Variants in MYO18B observed in about 807,000 individuals in gnomAD.
The protein encoded by MYO18B is unconventional myosin-XVIIIb.
Under a neutral mutation model 273.0 loss-of-function variants are expected in MYO18B, and 204 were observed. The ratio of observed to expected loss-of-function variants is 0.75; its 90% CI spans 0.67 to 0.84. MYO18B has a LOEUF of 0.84. Ranked by LOEUF, MYO18B falls within the 40% of genes least tolerant of loss-of-function variation. MYO18B has a pLI of 0.00. For synonymous variants in MYO18B, 1,330 were observed against 1,305.7 expected, an observed-to-expected ratio of 1.02 and a Z score of -0.40; for missense variants, 3,212 against 3,287.6, an observed-to-expected ratio of 0.98 and a Z score of 0.56.
chr22:26,058,743 C>A, the MYO18B span, among the ~76,000 whole-genome samples: 1 of 152,188 alleles, frequency 6.6e-6, no homozygotes, highest in African/African-American at 2.4e-5. Flanking sequence ...GGGATCCCTG[C>A]ACATACACTC....
chr22:25,920,165 A>G (rs6004832), intron 33 of MYO18B, among the ~76,000 whole-genome samples: 6,161 of 152,226 alleles, frequency 0.04, 449 homozygotes, highest in African/African-American at 0.14. Flanking sequence ...TTTCATGTGG[A>G]GACACAGATT....
chr22:25,845,314 C>T (rs1404158423), intron 18 of MYO18B, among the ~76,000 whole-genome samples: 2 of 152,180 alleles, frequency 1.3e-5, no homozygotes, highest in African/African-American at 2.4e-5. Context: ...GTCAAGAGAT[C>T]GAGACCATCC....
Position 25,835,401 on chromosome 22 carries a change from C to A in MYO18B, c.3166C>A (p.Arg1056Ser). ...CTCCAGTGACAGTGTGGTGCTCGAG[C>A]GTCTGTGTGCTGCTTTCGAGAAGAA... is the stretch of plus-strand genomic sequence containing the variant. ...EGSSDSVVLE[R>S]LCAAFEKKGA... The change falls in exon 17 of 44, where the codon CGT (arginine) becomes AGT (serine). Residue 1056 changes from arginine (R) to serine (S), a missense_variant. Physicochemically the swap from Arg to Ser is moderately radical, Grantham distance 110 (BLOSUM62 -1). Coordinates refer to ENST00000335473, the MANE Select transcript of MYO18B (RefSeq NM_032608.7). 6.2e-7 allele frequency: 1 copy of A among 1,613,902 alleles called. No individual in the cohort carries two copies. Among genetic ancestry groups the A allele is most frequent in the Admixed American group, 1.7e-5 (1 of 60,010 alleles).
At chr22:25,828,990 G>A in intron 15 of MYO18B, 22 bp downstream of exon 15, 1 of 1,612,018 alleles carries the variant, frequency 6.2e-7, no homozygotes. Context: ...CTGGAGCAGG[G>A]CTTTCACCAG....
intron 39 of MYO18B, among the ~76,000 whole-genome samples, chr22:25,966,338 C>T (rs1441289079): frequency 1.3e-5 from 2 of 152,184 alleles, no homozygotes; most frequent in Non-Finnish European, 2.9e-5. Context: ...TCTACTTACT[C>T]CATGGCATTC....
intron 37 of MYO18B, among the ~76,000 whole-genome samples, chr22:25,951,177 C>T (rs2092788708): frequency 6.6e-6 from 1 of 152,228 alleles, no homozygotes. Context: ...CTTTTGGCAA[C>T]AACCTCACAG....
intron 12 of MYO18B, among the ~76,000 whole-genome samples, chr22:25,816,974 T>C (rs953747471): frequency 4.6e-5 from 7 of 152,196 alleles, no homozygotes; most frequent in African/African-American, 1.2e-4. Flanking sequence ...AGCACAGCTA[T>C]TGTTGGAAGG....
At chr22:25,959,182 G>A (rs1479307511) in intron 39 of MYO18B, 1 of 151,638 alleles carries the variant, frequency 6.6e-6, no homozygotes. Context: ...TAGAAGGCCA[G>A]TTGGCACCAA....
At chr22:25,790,794 T>C (rs2087627764) in intron 11 of MYO18B, among the ~76,000 whole-genome samples, 1 of 152,200 alleles carries the variant, frequency 6.6e-6, no homozygotes. Flanking sequence ...TGTCTGCCTT[T>C]GGACCCACTC....
intron 12 of MYO18B, among the ~76,000 whole-genome samples, chr22:25,812,420 G>C (rs751565348): frequency 1.1e-4 from 17 of 152,162 alleles, no homozygotes; most frequent in South Asian, 4.1e-4. Context: ...CCTGTAATGA[G>C]GTGCTCCAAG....
rs963973127 is a variant in MYO18B at position 25,878,113 on chromosome 22, G to C, written c.4314+65G>C. 20 of 1,284,188 alleles carry C rather than the reference G, an allele frequency of 1.6e-5. No individual in the cohort carries two copies. The Admixed American group carries it at 2.3e-4, about 15-fold the overall frequency. 79.5% of individuals were successfully genotyped at this position (1,284,188 alleles called of 1,614,324 possible). On this transcript the variant is annotated intron_variant, in intron 25 of 43. Coordinates refer to ENST00000335473, the MANE Select transcript of MYO18B (RefSeq NM_032608.7). ...TTATGTATGTGAGATCTGTTTAATG[G>C]GGAGAACAATGATATGCCTGAAAGC...
intron 7 of MYO18B, among the ~76,000 whole-genome samples, chr22:25,773,007 G>A (rs962374422): frequency 6.6e-6 from 1 of 152,170 alleles, no homozygotes; most frequent in African/African-American, 2.4e-5. Flanking sequence ...CAGGAGTCCT[G>A]AGCACCCACA....
chr22:26,021,548 A>G (rs1251687676), intron 42 of MYO18B, among the ~76,000 whole-genome samples: 1 of 152,250 alleles, frequency 6.6e-6, no homozygotes, highest in Non-Finnish European at 1.5e-5. Flanking sequence ...CTAAGACATT[A>G]TTCTATAGAC....
At chr22:25,891,550 A>G in intron 27 of MYO18B, 138 bp downstream of exon 27, 1 of 630,012 alleles carries the variant, frequency 1.6e-6, no homozygotes, top group East Asian at 2.7e-5. Flanking sequence ...AAACAGGCAC[A>G]GCGTACTCTC....
Position 25,785,490 on chromosome 22 carries a change from A to G in MYO18B, c.2375A>G (p.Lys792Arg). Residue 792 changes from lysine to arginine, a missense_variant and splice_region_variant, in exon 11 of 44, where the codon AAG becomes AGG. By Grantham distance (26) the Lys-to-Arg change is conservative (BLOSUM62 2). Transcript: ENST00000335473. ...TCCTTTGGCATGGGCGTGTGGTCCA[A>G]GGTAAGGAGGAGGTCCCTCACGGGT... is the stretch of plus-strand genomic sequence containing the variant. The part of the protein sequence containing the change: ...SSSFGMGVWS[K>R]PEDKQKAAAA... 2 of 1,612,112 alleles carry G rather than the reference A, an allele frequency of 1.2e-6. No individual in the cohort carries two copies. Among genetic ancestry groups the G allele is most frequent in the Non-Finnish European group, 1.7e-6 (2 of 1,179,182 alleles).
At chr22:25,910,880 G>T in intron 32 of MYO18B, 66 bp from the exon 33 acceptor site, 2 of 1,305,648 alleles carry the variant, frequency 1.5e-6, no homozygotes, top group Non-Finnish European at 2.2e-6. Context: ...GAGGGTCCTT[G>T]CCTTGTAGGA....
intron 39 of MYO18B, among the ~76,000 whole-genome samples, chr22:25,958,113 C>T (rs2092875760): frequency 6.6e-6 from 1 of 151,970 alleles, no homozygotes; most frequent in African/African-American, 2.4e-5. Flanking sequence ...CGGGGTTTCA[C>T]CATGTTGGCC....
chr22:26,005,200 T>C (rs1265477821), intron 42 of MYO18B, among the ~76,000 whole-genome samples: 1 of 152,238 alleles, frequency 6.6e-6, no homozygotes, highest in East Asian at 1.9e-4. Flanking sequence ...ATAGTTGTTA[T>C]AGTTGCCTTC....
chr22:25,822,032 C>A (rs2089300444), intron 12 of MYO18B, among the ~76,000 whole-genome samples: 1 of 152,130 alleles, frequency 6.6e-6, no homozygotes, highest in Non-Finnish European at 1.5e-5. Context: ...TAAGCATTGT[C>A]CATGGTATGC....
Sources: gnomAD v4.1 joint callset for allele counts (sites outside exome capture counted in the v4.1 genomes callset) on GRCh38, gnomAD v4.1.1 for gene constraint, MANE v1.5 for transcripts, NCBI Gene and HGNC (gene_info 2026-07-23, HGNC 2026-07-21) for gene names.